Variants in THSD7B observed in about 807,000 individuals in gnomAD.
The protein encoded by THSD7B is thrombospondin type-1 domain-containing protein 7B.
THSD7B carries 138 observed loss-of-function variants against 213.6 expected under a neutral mutation model. The observed-to-expected ratio is 0.65, with a 90% CI of 0.56 to 0.74. The LOEUF (loss-of-function observed/expected upper bound fraction) is 0.74. THSD7B is among the 30% of genes least tolerant of loss of function. The probability of loss-of-function intolerance (pLI) is 0.00; values close to 1 mark genes in which losing one functional copy is unlikely to be tolerated. For missense variants in THSD7B, 1,931 were observed against 1,991.5 expected (o/e 0.97, Z 0.58); for synonymous variants, 742 against 687.0 (o/e 1.08, Z -1.25).
chr2:137,308,609 T>C (rs930884158), intron 12 of THSD7B, among the ~76,000 whole-genome samples: 11 of 152,106 alleles, frequency 7.2e-5, no homozygotes, highest in African/African-American at 2.7e-4. Flanking sequence ...TTATATAATT[T>C]TTTTCTGTTT....
chr2:136,998,951 CACACA>C (rs764221716), intron 2 of THSD7B, among the ~76,000 whole-genome samples: 23 of 146,656 alleles, frequency 1.6e-4, no homozygotes, highest in Non-Finnish European at 2.6e-4. Flanking sequence ...CACACACACA[CACACA>C]CACCCCTGCT....
At chr2:137,034,656 C>T (rs1686739833) in intron 2 of THSD7B, among the ~76,000 whole-genome samples, 3 of 152,010 alleles carry the variant, frequency 2.0e-5, no homozygotes, top group South Asian at 2.1e-4. Context: ...TCTCATTGTT[C>T]AACTCCCACT....
chr2:136,880,538 A>G (rs1460538246), intron 1 of THSD7B, among the ~76,000 whole-genome samples: 2 of 152,112 alleles, frequency 1.3e-5, no homozygotes, highest in African/African-American at 4.8e-5. Flanking sequence ...GACTTAATCT[A>G]TTCTATTCTA....
At position 137,670,555 on chromosome 2, in the gene THSD7B, TAATC is replaced by T. The variant is rs566715380; in HGVS notation, c.4739+2698_4739+2701del. On this transcript the variant is annotated intron_variant, in intron 27 of 27. Transcript: ENST00000409968. ...AGAGTAAATTGTCTATGCTAATATT[TAATC>T]AATGTGCTAAATTATAGTTCCATTT... 4.5e-4 allele frequency among the ~76,000 whole-genome samples: 68 copies of T among 152,342 alleles called. 1 individual carries two copies. The South Asian group carries it at 0.014, about 31-fold the overall frequency.
chr2:137,589,407 A>G (rs1681815492), intron 17 of THSD7B, among the ~76,000 whole-genome samples: 1 of 152,176 alleles, frequency 6.6e-6, no homozygotes, highest in Non-Finnish European at 1.5e-5. Flanking sequence ...TTTTTATAAA[A>G]TCTTAAGCAA....
intron 12 of THSD7B, among the ~76,000 whole-genome samples, chr2:137,356,710 A>AGAGACGCCAGCT (rs1685136260): frequency 6.6e-6 from 1 of 152,158 alleles, no homozygotes; most frequent in Non-Finnish European, 1.5e-5. Context: ...ACCACATGGA[A>AGAGACGCCAGCT]GAGACGCCAG....
chr2:136,775,453 G>A (rs1454892680), intron 1 of THSD7B, among the ~76,000 whole-genome samples: 7 of 152,066 alleles, frequency 4.6e-5, no homozygotes, highest in African/African-American at 1.7e-4. Flanking sequence ...AGGAGTAAAG[G>A]ATGTGGACAT....
intron 17 of THSD7B, among the ~76,000 whole-genome samples, chr2:137,585,781 G>T (rs1463950523): frequency 6.6e-6 from 1 of 152,164 alleles, no homozygotes; most frequent in African/African-American, 2.4e-5. Flanking sequence ...TTTAGGAATA[G>T]GTGCGGTGTG....
chr2:136,818,438 C>T (rs1425096482), intron 1 of THSD7B, among the ~76,000 whole-genome samples: 3 of 150,788 alleles, frequency 2.0e-5, no homozygotes, highest in African/African-American at 7.3e-5. Flanking sequence ...GGGAGATATA[C>T]CTAATGCTAG....
rs1246056674 is a variant in THSD7B, at chr2:137,419,372, G to GTTTTTTTTTTTTTTTTTTTTTTT, written c.2959+7502_2959+7503insTTTTTTTTTTTTTTTTTTTTTTT. On this transcript the variant is annotated intron_variant, in intron 14 of 27. Transcript: ENST00000409968. ...AGCCCCCACTTTTGGTGGGTCCTGA[G>GTTTTTTTTTTTTTTTTTTTTTTT]TTCTTGTCCCACATCAAAGAAGAAT... 6.1e-5 allele frequency among the ~76,000 whole-genome samples: 5 copies of GTTTTTTTTTTTTTTTTTTTTTTT among 81,386 alleles called. 1 individual carries two copies. The highest frequency in any genetic ancestry group is 1.4e-4 in the Admixed American group (1 of 6,928). The allele number at this position is 81,386 out of a possible 152,430, so 53.4% of individuals were successfully genotyped here.
intron 2 of THSD7B, among the ~76,000 whole-genome samples, chr2:137,048,071 C>G (rs534776996): frequency 3.9e-4 from 59 of 152,114 alleles, no homozygotes; most frequent in Middle Eastern, 3.4e-3. Context: ...CCCCCACCCC[C>G]CAACAGGCCC....
chr2:136,856,486 A>G (rs1466688213), intron 1 of THSD7B, among the ~76,000 whole-genome samples: 1 of 151,936 alleles, frequency 6.6e-6, no homozygotes, highest in African/African-American at 2.4e-5. Flanking sequence ...TAGCTCTTGA[A>G]GACACAGATC....
intron 4 of THSD7B, among the ~76,000 whole-genome samples, chr2:137,110,569 G>GTTA (rs1688330325): frequency 1.3e-5 from 2 of 152,188 alleles, no homozygotes; most frequent in Non-Finnish European, 2.9e-5. Flanking sequence ...TTACATAAAT[G>GTTA]GAGGGCAGGT....
In THSD7B at chr2:137,663,150, G is replaced by C. The variant is rs761136599; in HGVS notation, c.4459-233G>C. On this transcript the variant is annotated intron_variant, in intron 25 of 27. Coordinates refer to ENST00000409968, the MANE Select transcript of THSD7B (RefSeq NM_001316349.2). ...AGAACTATGGTTTAATATTTGGCAG[G>C]TGTCAGAATTGTAAACACATTTGAA... 2.0e-5 allele frequency among the ~76,000 whole-genome samples: 3 copies of C among 152,056 alleles called. No homozygotes were observed. In the South Asian group the frequency reaches 6.2e-4, roughly 32 times the overall value.
chr2:137,483,525 C>T (rs112502006), intron 15 of THSD7B, among the ~76,000 whole-genome samples: 4,267 of 152,280 alleles, frequency 0.028, 218 homozygotes, highest in African/African-American at 0.097. Flanking sequence ...CTAACTCTTA[C>T]CCTGAAGGCA....
At chr2:137,104,666 C>A (rs1183994630) in intron 4 of THSD7B, among the ~76,000 whole-genome samples, 3 of 151,650 alleles carry the variant, frequency 2.0e-5, no homozygotes, top group Non-Finnish European at 2.9e-5. Context: ...GCTAGCCAGA[C>A]TAATAAAGAA....
At chr2:136,906,246 C>A (rs543564197) in intron 2 of THSD7B, among the ~76,000 whole-genome samples, 75 of 152,066 alleles carry the variant, frequency 4.9e-4, no homozygotes, top group Non-Finnish European at 9.3e-4. Flanking sequence ...GACAGATATT[C>A]TTTATGAGAG....
chr2:136,818,032 C>A (rs1460874367), intron 1 of THSD7B, among the ~76,000 whole-genome samples: 14 of 143,832 alleles, frequency 9.7e-5, no homozygotes, highest in Admixed American at 6.9e-5. Flanking sequence ...TTTGACCCAG[C>A]CATCCCATTA....
At chr2:137,337,699 T>G (rs909694224) in intron 12 of THSD7B, among the ~76,000 whole-genome samples, 1 of 152,130 alleles carries the variant, frequency 6.6e-6, no homozygotes, top group African/African-American at 2.4e-5. Flanking sequence ...AGTGATTATC[T>G]AGTTTTCATC....
Sources: gnomAD v4.1 joint callset for allele counts (sites outside exome capture counted in the v4.1 genomes callset) on GRCh38, gnomAD v4.1.1 for gene constraint, MANE v1.5 for transcripts, NCBI Gene and HGNC (gene_info 2026-07-23, HGNC 2026-07-21) for gene names.